GNB1: variants seen among roughly 807,000 people sequenced by gnomAD.
GNB1 encodes guanine nucleotide-binding protein G(I)/G(S)/G(T) subunit beta-1.
GNB1 carries 2 observed loss-of-function variants against 42.9 expected under a neutral mutation model. The ratio of observed to expected loss-of-function variants is 0.05; its 90% CI spans 0.02 to 0.15. GNB1 has a LOEUF of 0.15. Ranked by LOEUF, GNB1 falls within the 10% of genes least tolerant of loss-of-function variation. The probability of loss-of-function intolerance (pLI) is 1.00; values close to 1 mark genes in which losing one functional copy is unlikely to be tolerated. For missense variants in GNB1, 193 were observed against 462.2 expected, an observed-to-expected ratio of 0.42 and a Z score of 5.34; for synonymous variants, 183 against 174.7, an observed-to-expected ratio of 1.05 and a Z score of -0.38.
intron 7 of GNB1, among the ~76,000 whole-genome samples, chr1:1,798,945 G>A (rs985694974): frequency 4.8e-5 from 7 of 145,290 alleles, no homozygotes; most frequent in African/African-American, 1.8e-4. Context: ...TTTTTGAGAC[G>A]GAGTCTCGCT....
At chr1:1,788,891 A>G (rs1646442119) in intron 10 of GNB1, 162 bp downstream of exon 10, 1 of 598,930 alleles carries the variant, frequency 1.7e-6, no homozygotes, top group South Asian at 1.9e-5. Context: ...ACTTGCCTGG[A>G]GGGTCAGAGC....
In GNB1 at chr1:1,785,937, A is replaced by G. The variant is rs555045136; in HGVS notation, c.*1126T>C. The G allele has an allele frequency of 1.3e-5, 5 of 398,820 alleles. No homozygotes were observed. The highest frequency in any genetic ancestry group is 2.2e-5 in the Non-Finnish European group (5 of 226,070). 24.7% of individuals were successfully genotyped at this position (398,820 alleles called of 1,614,324 possible). ...AGTGGACAGAGCCGCAATGGTTACAACTGTAAGAGGTTATTTCTTAAAAGA... is the reference window on the plus strand; with the variant it reads ...AGTGGACAGAGCCGCAATGGTTACAGCTGTAAGAGGTTATTTCTTAAAAGA... On this transcript the variant is annotated 3_prime_UTR_variant, in exon 12 of 12. Coordinates refer to ENST00000378609, the MANE Select transcript of GNB1 (RefSeq NM_002074.5).
chr1:1,866,247 A>G (rs1189754926), intron 1 of GNB1, among the ~76,000 whole-genome samples: 1 of 152,234 alleles, frequency 6.6e-6, no homozygotes, highest in Non-Finnish European at 1.5e-5. Context: ...GCCAGAAAAC[A>G]GTATCTTAAA....
intron 1 of GNB1, among the ~76,000 whole-genome samples, chr1:1,864,990 T>TG (rs1372651137): frequency 6.6e-6 from 1 of 152,186 alleles, no homozygotes; most frequent in Non-Finnish European, 1.5e-5. Flanking sequence ...AGGCCAGGCG[T>TG]GGTGGCTCAT....
intron 1 of GNB1, among the ~76,000 whole-genome samples, chr1:1,867,043 G>C (rs1381405385): frequency 1.3e-5 from 2 of 152,128 alleles, no homozygotes; most frequent in Non-Finnish European, 2.9e-5. Context: ...GAGGTGGGCA[G>C]GTCGCCTGAG....
chr1:1,849,609 C>T (rs1406585170), intron 1 of GNB1, among the ~76,000 whole-genome samples: 4 of 152,066 alleles, frequency 2.6e-5, no homozygotes, highest in Admixed American at 2.6e-4. Context: ...GCTATGTTGC[C>T]CAGGCTGCTC....
At chr1:1,839,482 T>C (rs1406836826) in intron 1 of GNB1, 1 of 152,138 alleles carries the variant, frequency 6.6e-6, no homozygotes. Flanking sequence ...GGAAAATACC[T>C]TGAATTAAAC....
At chr1:1,816,666 T>A (rs978501907) in intron 4 of GNB1, among the ~76,000 whole-genome samples, 1,178 of 115,610 alleles carry the variant, frequency 0.01, 8 homozygotes, top group Non-Finnish European at 0.016. Flanking sequence ...TTTTTTTTTT[T>A]AAGATGGAGT....
At chr1:1,796,523 G>T (rs1468582169) in intron 7 of GNB1, among the ~76,000 whole-genome samples, 1 of 152,226 alleles carries the variant, frequency 6.6e-6, no homozygotes, top group Non-Finnish European at 1.5e-5. Context: ...CACATAAGAA[G>T]TTCTCAGTAA....
intron 2 of GNB1, among the ~76,000 whole-genome samples, chr1:1,835,267 G>A (rs577836307): frequency 2.0e-5 from 3 of 152,268 alleles, no homozygotes; most frequent in Admixed American, 6.5e-5. Flanking sequence ...AGGAAAGTTG[G>A]AAGCCCCAGG....
intron 2 of GNB1, among the ~76,000 whole-genome samples, chr1:1,826,194 A>G (rs1230619542): frequency 6.6e-6 from 1 of 152,178 alleles, no homozygotes; most frequent in African/African-American, 2.4e-5. Context: ...AGGCGGGTGG[A>G]TCACTTGAGG....
intron 7 of GNB1, among the ~76,000 whole-genome samples, chr1:1,799,255 G>A (rs563569123): frequency 5.9e-5 from 9 of 152,078 alleles, no homozygotes; most frequent in African/African-American, 1.9e-4. Context: ...GTGTGTGTGT[G>A]TTTTTTTTAA....
chr1:1,825,587 G>A, intron 2 of GNB1, 88 bp from the exon 3 acceptor site: 6 of 764,980 alleles, frequency 7.8e-6, no homozygotes, highest in Middle Eastern at 2.4e-4. Context: ...AGTTTAAGGT[G>A]GGCGTGGTGG....
At chr1:1,882,485 A>C (rs1649906614) in intron 1 of GNB1, among the ~76,000 whole-genome samples, 1 of 151,794 alleles carries the variant, frequency 6.6e-6, no homozygotes, top group Non-Finnish European at 1.5e-5. Context: ...TGTTAAACAA[A>C]TCACCATTAC....
intron 2 of GNB1, among the ~76,000 whole-genome samples, chr1:1,827,601 TA>T (rs1250080151): frequency 3.3e-5 from 5 of 152,198 alleles, no homozygotes; most frequent in Non-Finnish European, 7.3e-5. Flanking sequence ...TTGTGGACGT[TA>T]ATGTGTTAAG....
In GNB1 at chr1:1,804,438, A is replaced by T; in HGVS notation, c.411T>A (p.Arg137=). Residue 137 remains arginine (R), a synonymous_variant, in exon 7 of 12, where the codon CGT becomes CGA. Coordinates refer to ENST00000378609, the MANE Select transcript of GNB1 (RefSeq NM_002074.5). ...AGGTACCTGTGTGTCCTGCCAGCTC[A>T]CGACTCACGCGCACGTTCCCCTCAC... ...KTREGNVRVS[R]ELAGHTGYLS... is the part of the protein sequence containing the mutation. The T allele has an allele frequency of 6.2e-7, 1 of 1,613,810 alleles. No individual in the cohort carries two copies. The highest frequency in any genetic ancestry group is 8.5e-7 in the Non-Finnish European group (1 of 1,179,730).
At chr1:1,824,433 ACTCT>A (rs1028802501) in intron 3 of GNB1, among the ~76,000 whole-genome samples, 1 of 151,968 alleles carries the variant, frequency 6.6e-6, no homozygotes, top group Non-Finnish European at 1.5e-5. Context: ...ACAGAGTGAA[ACTCT>A]CTCTCAAATA....
chr1:1,792,354 T>G (rs932375655), intron 8 of GNB1, among the ~76,000 whole-genome samples: 1 of 151,572 alleles, frequency 6.6e-6, no homozygotes, highest in Non-Finnish European at 1.5e-5. Flanking sequence ...TACAAATATA[T>G]AGAGGGGAAA....
In GNB1 at chr1:1,804,543, G is replaced by C; in HGVS notation, c.306C>G (p.Thr102=). The change falls in exon 7 of 12, where the codon ACC becomes ACG. Residue 102 remains threonine (T), a synonymous_variant. Coordinates refer to ENST00000378609, the MANE Select transcript of GNB1 (RefSeq NM_002074.5). ...AIPLRSSWVM[T]CAYAPSGNYV... ...AGTTCCCAGAAGGGGCATATGCACA[G>C]GTCATGACCCAGGAGGAGCGCAGAG... 1 of 1,613,484 alleles carries C rather than the reference G, an allele frequency of 6.2e-7. No homozygotes were observed. Among genetic ancestry groups the C allele is most frequent in the Non-Finnish European group, 8.5e-7 (1 of 1,179,576 alleles).
Sources: gnomAD v4.1 joint callset for allele counts (sites outside exome capture counted in the v4.1 genomes callset) on GRCh38, gnomAD v4.1.1 for gene constraint, MANE v1.5 for transcripts, NCBI Gene and HGNC (gene_info 2026-07-23, HGNC 2026-07-21) for gene names.